Variants in USP39 observed in about 807,000 individuals in gnomAD.
USP39 encodes the protein ubiquitin specific peptidase 39.
USP39 carries 38 observed loss-of-function variants against 66.4 expected under a neutral mutation model. The ratio of observed to expected loss-of-function variants is 0.57; its 90% CI spans 0.44 to 0.75. USP39 has a LOEUF of 0.75. USP39 is among the 30% of genes least tolerant of loss of function. USP39 has a pLI of 0.00. For synonymous variants in USP39, 303 were observed against 274.6 expected (o/e 1.10, Z -1.02); for missense variants, 608 against 714.4 (o/e 0.85, Z 1.70).
rs1673924428 is a variant in USP39, at chr2:85,616,236, G to T, written c.41G>T (p.Arg14Leu). Residue 14 changes from arginine (R) to leucine (L), a missense_variant, in exon 1 of 13, where the codon CGC becomes CTC. Around this residue, in one of 6 missense-constraint regions of USP39, gnomAD observed 207 missense variants for 145.7 expected, o/e 1.42. Transcript: ENST00000323701. ...RSKRESRGST[R>L]GKRESESRGS... The stretch of plus-strand genomic sequence containing the variant: ...AAGCGGGAGTCTCGCGGTTCCACTC[G>T]CGGGAAGCGAGAGTCTGAGTCGCGG... 2.0e-6 allele frequency: 3 copies of T among 1,490,788 alleles called. No homozygotes were observed. The highest frequency in any genetic ancestry group is 2.9e-5 in the African/African-American group (2 of 68,918). 92.3% of individuals were successfully genotyped at this position (1,490,788 alleles called of 1,614,324 possible).
chr2:85,638,680 A>C (rs534725183), intron 8 of USP39, among the ~76,000 whole-genome samples: 2 of 151,756 alleles, frequency 1.3e-5, no homozygotes, highest in Non-Finnish European at 2.9e-5. Flanking sequence ...CTAGGATTAC[A>C]GGCGCCACCA....
At chr2:85,616,160 T>G (rs551009704), upstream of USP39, 12 of 1,406,854 alleles carry the variant, frequency 8.5e-6, no homozygotes, top group East Asian at 3.4e-4. Context: ...CGAGCGTGCT[T>G]GGCGCCTGCG....
chr2:85,648,848 A>T lies in USP39; in HGVS notation c.*40A>T, dbSNP rs1268686222. The T allele has an allele frequency of 6.2e-7, 1 of 1,611,112 alleles. No homozygotes were observed. Among genetic ancestry groups the T allele is most frequent in the East Asian group, 2.2e-5 (1 of 44,864 alleles). Reference sequence around the variant, plus strand: ...GCTTTGCTCCCAAGGGCTGTGGCTGATGATGGTAAATAAGAACACAGAAGC... The same window carrying T: ...GCTTTGCTCCCAAGGGCTGTGGCTGTTGATGGTAAATAAGAACACAGAAGC... On this transcript the variant is annotated 3_prime_UTR_variant, in exon 13 of 13. Transcript: ENST00000323701.
chr2:85,632,220 C>T (rs947687782), intron 6 of USP39, among the ~76,000 whole-genome samples: 1 of 152,060 alleles, frequency 6.6e-6, no homozygotes, highest in Middle Eastern at 3.2e-3. Context: ...ATAAGAAACA[C>T]GATTTTTCTC....
intron 4 of USP39, among the ~76,000 whole-genome samples, chr2:85,624,010 A>G (rs1241530661): frequency 6.6e-6 from 1 of 152,210 alleles, no homozygotes; most frequent in African/African-American, 2.4e-5. Context: ...ATTGAGGGCT[A>G]GGACTGAAGA....
At position 85,623,660 on chromosome 2, in the gene USP39, T is replaced by G. The variant is rs1238236248; in HGVS notation, c.448T>G (p.Ser150Ala). 2 of 1,613,282 alleles carry G rather than the reference T, an allele frequency of 1.2e-6. No homozygotes were observed. The highest frequency in any genetic ancestry group is 2.2e-5 in the South Asian group (2 of 90,868). Reference sequence around the variant, plus strand: ...CTTCCCTACAGGCCGGGGTTTGAAGTCTCACGCCTACATTCACAGTGTCCA... The same window carrying G: ...CTTCCCTACAGGCCGGGGTTTGAAGGCTCACGCCTACATTCACAGTGTCCA... ...GKYFQGRGLK[S>A]HAYIHSVQFS... The change falls in exon 4 of 13, where the codon TCT becomes GCT. Residue 150 changes from serine (S) to alanine (A), a missense_variant. Ser to Ala is a moderately conservative substitution (Grantham distance 99). This residue lies in a region of USP39 where 115 missense variants were observed against 198.6 expected (regional missense o/e 0.58). Coordinates refer to ENST00000323701, the MANE Select transcript of USP39 (RefSeq NM_006590.4).
intron 5 of USP39, among the ~76,000 whole-genome samples, chr2:85,626,362 C>CA (rs900020565): frequency 6.6e-6 from 1 of 152,062 alleles, no homozygotes; most frequent in Non-Finnish European, 1.5e-5. Context: ...TCCTCCGTCT[C>CA]AAAAAAAGAA....
At position 85,636,141 on chromosome 2, in the gene USP39, T is replaced by C; in HGVS notation, c.1027+11T>C. ...AGAAGAAAAAGAAGAGTAAGTCATT[T>C]ACTTATAAAAAGGAGTTATTTTGTT... On this transcript the variant is annotated intron_variant, in intron 7 of 12. Transcript: ENST00000323701. 6.2e-7 allele frequency: 1 copy of C among 1,612,674 alleles called. No homozygotes were observed. Among genetic ancestry groups the C allele is most frequent in the Non-Finnish European group, 8.5e-7 (1 of 1,179,434 alleles).
At chr2:85,647,501 TA>T (rs58710357) in intron 11 of USP39, among the ~76,000 whole-genome samples, 47 of 148,170 alleles carry the variant, frequency 3.2e-4, no homozygotes, top group African/African-American at 8.4e-4. Flanking sequence ...CCATTGCTAT[TA>T]AAAAAAAAAT....
rs373887284 is a variant in USP39 at position 85,630,660 on chromosome 2, G to C, written c.724-61G>C. On this transcript the variant is annotated intron_variant, in intron 5 of 12. Transcript: ENST00000323701. ...TCTATTAGGAGAACTTTAATTGGAA[G>C]AGCTTGGCTCAAGGGGTCCTACAAA... 3.3e-5 allele frequency: 49 copies of C among 1,501,754 alleles called. 1 individual carries two copies. In the East Asian group the frequency reaches 3.4e-4, roughly 10 times the overall value. 93.0% of individuals were successfully genotyped at this position (1,501,754 alleles called of 1,614,324 possible). A position where few individuals can be genotyped will look rare whatever the true frequency, so the allele number is the denominator to read the frequency against.
At chr2:85,610,187 G>C (rs1196304227), upstream of USP39, 1 of 151,038 alleles carries the variant, frequency 6.6e-6, no homozygotes, top group Admixed American at 6.6e-5. Context: ...GCTAATTTTT[G>C]TATTTTTAGT....
chr2:85,616,009 G>A (rs951044176), upstream of USP39: 18 of 1,202,190 alleles, frequency 1.5e-5, no homozygotes, highest in African/African-American at 2.7e-4. Flanking sequence ...GCCCACAGAA[G>A]GTTCTAAGGG....
chr2:85,646,144 A>T (rs1199225019), intron 11 of USP39: 1 of 152,250 alleles, frequency 6.6e-6, no homozygotes, highest in Non-Finnish European at 1.5e-5. Context: ...TCTGATTTGT[A>T]AGAAATTAAA....
At chr2:85,621,372 C>A (rs1674450005) in intron 2 of USP39, 113 bp from the exon 3 acceptor site, 1 of 836,230 alleles carries the variant, frequency 1.2e-6, no homozygotes. Context: ...TGGTTGTGAA[C>A]TGTTTTCTGA....
upstream of USP39, chr2:85,611,650 C>T (rs1254086633): frequency 1.9e-6 from 3 of 1,555,720 alleles, no homozygotes; most frequent in Non-Finnish European, 2.6e-6. Flanking sequence ...TGGAGGCAGG[C>T]GGGGCGGGCG....
chr2:85,623,214 A>T (rs185142481), intron 3 of USP39, among the ~76,000 whole-genome samples: 25 of 152,262 alleles, frequency 1.6e-4, no homozygotes, highest in Admixed American at 1.6e-3. Flanking sequence ...GAAATCCAGG[A>T]CTGAGTGATG....
chr2:85,620,033 T>A (rs915130756), intron 2 of USP39, among the ~76,000 whole-genome samples: 1 of 152,008 alleles, frequency 6.6e-6, no homozygotes, highest in Non-Finnish European at 1.5e-5. Context: ...TTTTGTATTT[T>A]TTTTAGAAGA....
chr2:85,616,376 G>T lies in USP39; in HGVS notation c.181G>T (p.Glu61Ter). The T allele has an allele frequency of 1.9e-6, 3 of 1,602,256 alleles. No homozygotes were observed. The highest frequency in any genetic ancestry group is 2.6e-6 in the Non-Finnish European group (3 of 1,174,596). Residue 61 changes from glutamate (E) to a stop codon, truncating the protein, a stop_gained, in exon 1 of 13, where the codon GAG becomes TAG. Transcript: ENST00000323701. LOFTEE classifies it high-confidence loss of function. ...GGAGTTCGAGCCGGCGAGCGCGCGC[G>T]AGGCCCCGGCTTCTGTTGTCCCGTT... The part of the protein sequence containing the change: ...KREFEPASAR[E>*]APASVVPFVR...
chr2:85,611,256 A>C (rs938977501), upstream of USP39: 174 of 1,356,572 alleles, frequency 1.3e-4, no homozygotes, highest in Middle Eastern at 1.4e-3. Flanking sequence ...ACAAAAATTG[A>C]CCGTCATATA....
Sources: allele counts gnomAD v4.1 joint callset (sites outside exome capture counted in the v4.1 genomes callset), GRCh38; gene constraint gnomAD v4.1.1; regional missense constraint gnomAD v4.1.1; transcripts MANE v1.5; gene names NCBI Gene and HGNC (gene_info 2026-07-23, HGNC 2026-07-21).